NXPE2: variants seen among roughly 807,000 people sequenced by gnomAD.
The protein encoded by NXPE2 is NXPE family member 2.
NXPE2 carries 34 observed loss-of-function variants against 34.4 expected under a neutral mutation model. The ratio of observed to expected loss-of-function variants is 0.99; its 90% CI spans 0.75 to 1.31. The LOEUF (loss-of-function observed/expected upper bound fraction) is 1.31. NXPE2 is among the 40% of genes most tolerant of loss of function. The probability of loss-of-function intolerance (pLI) is 0.00; values close to 1 mark genes in which losing one functional copy is unlikely to be tolerated. For missense variants in NXPE2, 649 were observed against 672.5 expected, an observed-to-expected ratio of 0.97 and a Z score of 0.39; for synonymous variants, 235 against 231.3, an observed-to-expected ratio of 1.02 and a Z score of -0.15.
At chr11:114,480,457 C>T in the NXPE2 span, among the ~76,000 whole-genome samples, 1 of 152,104 alleles carries the variant, frequency 6.6e-6, no homozygotes, top group Non-Finnish European at 1.5e-5. Context: ...TAATCTGGTC[C>T]ATGAGCAGCC....
At chr11:114,593,217 C>G in the NXPE2 span, among the ~76,000 whole-genome samples, 1 of 152,050 alleles carries the variant, frequency 6.6e-6, no homozygotes, top group East Asian at 1.9e-4. Context: ...GCAAAGGAAG[C>G]AATCAAGTGA....
the NXPE2 span, chr11:114,522,158 A>G: frequency 1.4e-5 from 22 of 1,613,902 alleles, no homozygotes; most frequent in Non-Finnish European, 1.8e-5. Context: ...CTCTGTCTCT[A>G]TGTGCATCTC....
At chr11:114,689,119 T>C (rs2135545453) in intron 2 of NXPE2, among the ~76,000 whole-genome samples, 1 of 152,176 alleles carries the variant, frequency 6.6e-6, no homozygotes, top group Admixed American at 6.5e-5. Flanking sequence ...GTTATTTCTT[T>C]TCTTCTGCTA....
At chr11:114,571,017 G>A in the NXPE2 span, 1 of 1,612,964 alleles carries the variant, frequency 6.2e-7, no homozygotes, top group Non-Finnish European at 8.5e-7. Flanking sequence ...TGTGCCATAT[G>A]CAATTGTTAT....
the NXPE2 span, among the ~76,000 whole-genome samples, chr11:114,769,807 C>T: frequency 1.3e-5 from 2 of 152,064 alleles, no homozygotes; most frequent in African/African-American, 4.8e-5. Flanking sequence ...CCTCTGGGGC[C>T]TGTCGGGTTG....
chr11:114,684,658 G>T (rs1324988676), intron 2 of NXPE2, among the ~76,000 whole-genome samples: 1 of 152,046 alleles, frequency 6.6e-6, no homozygotes, highest in Non-Finnish European at 1.5e-5. Flanking sequence ...TGGTAGGGGT[G>T]GGGAATAGGT....
chr11:114,737,232 A>G, the NXPE2 span, among the ~76,000 whole-genome samples: 17 of 152,204 alleles, frequency 1.1e-4, no homozygotes, highest in Middle Eastern at 3.4e-3. Flanking sequence ...ACTCATCTCT[A>G]CTGATATCAG....
At chr11:114,620,268 G>A in the NXPE2 span, among the ~76,000 whole-genome samples, 1 of 134,732 alleles carries the variant, frequency 7.4e-6, no homozygotes. Context: ...GGGTAACTAC[G>A]GTTACCCGGT....
chr11:114,622,331 A>G, the NXPE2 span, among the ~76,000 whole-genome samples: 6 of 150,624 alleles, frequency 4.0e-5, no homozygotes, highest in African/African-American at 1.2e-4. Flanking sequence ...CTGTTACCCA[A>G]TGCATCATAA....
At chr11:114,686,803 T>G (rs1298529260) in intron 2 of NXPE2, among the ~76,000 whole-genome samples, 1 of 152,200 alleles carries the variant, frequency 6.6e-6, no homozygotes, top group Admixed American at 6.5e-5. Flanking sequence ...TGTTTAATAG[T>G]AGCCATTCTG....
the NXPE2 span, among the ~76,000 whole-genome samples, chr11:114,632,946 ATGATATTT>A: frequency 1.0e-5 from 1 of 99,676 alleles, no homozygotes; most frequent in African/African-American, 4.2e-5. Flanking sequence ...TATATATTAT[ATGATATTT>A]TATATAATTA....
At chr11:114,583,834 G>T in the NXPE2 span, 1 of 401,428 alleles carries the variant, frequency 2.5e-6, no homozygotes. Context: ...GCTAGGCCAG[G>T]ACTGTGTCCT....
chr11:114,773,285 C>CT, the NXPE2 span, among the ~76,000 whole-genome samples: 35 of 88,692 alleles, frequency 3.9e-4, no homozygotes, highest in African/African-American at 1.1e-3. Flanking sequence ...TCCCACCCCC[C>CT]CCCCACCCCA....
chr11:114,727,736 A>G, the NXPE2 span, among the ~76,000 whole-genome samples: 1 of 146,430 alleles, frequency 6.8e-6, no homozygotes, highest in African/African-American at 2.5e-5. Context: ...AAGATAAATA[A>G]TTATTTCTCT....
the NXPE2 span, among the ~76,000 whole-genome samples, chr11:114,631,178 T>C: frequency 1.3e-5 from 2 of 152,028 alleles, no homozygotes; most frequent in African/African-American, 4.8e-5. Flanking sequence ...ACTGGGTATA[T>C]ACCCAAAGGG....
the NXPE2 span, among the ~76,000 whole-genome samples, chr11:114,581,080 G>A: frequency 1.3e-5 from 2 of 152,082 alleles, no homozygotes; most frequent in African/African-American, 4.8e-5. Context: ...AGTGTAAATA[G>A]GTTTATTAGT....
the NXPE2 span, among the ~76,000 whole-genome samples, chr11:114,646,166 C>G: frequency 6.6e-6 from 1 of 151,938 alleles, no homozygotes. Flanking sequence ...TTTGTCATTT[C>G]TATATCTTAA....
the NXPE2 span, among the ~76,000 whole-genome samples, chr11:114,538,266 A>G: frequency 6.6e-6 from 1 of 152,362 alleles, no homozygotes; most frequent in Admixed American, 6.5e-5. Context: ...TACACCTTAT[A>G]CAAAAATTAA....
the NXPE2 span, among the ~76,000 whole-genome samples, chr11:114,656,144 CAG>C: frequency 6.6e-6 from 1 of 152,022 alleles, no homozygotes. Flanking sequence ...AAAAGGCAAG[CAG>C]AGAGCCAAAT....
Sources: gnomAD v4.1 joint callset for allele counts (sites outside exome capture counted in the v4.1 genomes callset) on GRCh38, gnomAD v4.1.1 for gene constraint, MANE v1.5 for transcripts, NCBI Gene and HGNC (gene_info 2026-07-23, HGNC 2026-07-21) for gene names.